The following ABL2 variants were observed in gnomAD, a reference collection of about 807,000 sequenced individuals.
The protein encoded by ABL2 is ABL proto-oncogene 2, non-receptor tyrosine kinase.
A neutral mutation model predicts 107.7 loss-of-function variants in ABL2; 49 were observed. The observed-to-expected ratio is 0.45, with a 90% CI of 0.36 to 0.58. The LOEUF is 0.58. Ranked by LOEUF, ABL2 falls within the 20% of genes least tolerant of loss-of-function variation. The probability of loss-of-function intolerance (pLI) is 0.00; values close to 1 mark genes in which losing one functional copy is unlikely to be tolerated. For missense variants in ABL2, 1,245 were observed against 1,457.0 expected, an observed-to-expected ratio of 0.85 and a Z score of 2.37; for synonymous variants, 549 against 548.6, an observed-to-expected ratio of 1.00 and a Z score of -0.01.
chr1:179,177,224 A>C (rs968244382), intron 1 of ABL2, among the ~76,000 whole-genome samples: 2 of 152,122 alleles, frequency 1.3e-5, no homozygotes, highest in African/African-American at 4.8e-5. Flanking sequence ...AAACAAAAAA[A>C]CAAGCCAACA....
chr1:179,174,470 C>T (rs1659910202), intron 1 of ABL2, among the ~76,000 whole-genome samples: 3 of 151,618 alleles, frequency 2.0e-5, no homozygotes, highest in Admixed American at 1.3e-4. Flanking sequence ...ATTAGCCGGG[C>T]GTGGTGGCAC....
intron 1 of ABL2, among the ~76,000 whole-genome samples, chr1:179,209,260 G>A (rs1662143205): frequency 6.6e-6 from 1 of 152,130 alleles, no homozygotes; most frequent in African/African-American, 2.4e-5. Flanking sequence ...AAGACACAGG[G>A]ACATTGAGAA....
Position 179,107,785 on chromosome 1 carries a change from C to G in ABL2, c.3482G>C (p.Gly1161Ala). ...TAAGTTATTAAGGACAGGGTTTGTC[C>G]CGGGCACACCAGCAGCTGCTGAAGA... ...QVSSAAAGVP[G>A]TNPVLNNLLS... The change falls in exon 12 of 12, where the codon GGG becomes GCG. Residue 1161 changes from glycine (G) to alanine (A), a missense_variant. Gly to Ala is a moderately conservative substitution (Grantham distance 60). Around this residue, in one of 3 missense-constraint regions of ABL2, gnomAD observed 761 missense variants for 766.4 expected, o/e 0.99. Transcript: ENST00000502732. 6.2e-7 allele frequency: 1 copy of G among 1,614,204 alleles called. No homozygotes were observed. Among genetic ancestry groups the G allele is most frequent in the Non-Finnish European group, 8.5e-7 (1 of 1,180,034 alleles).
At chr1:179,168,884 G>A (rs1571238189) in intron 1 of ABL2, among the ~76,000 whole-genome samples, 1 of 152,308 alleles carries the variant, frequency 6.6e-6, no homozygotes, top group East Asian at 1.9e-4. Flanking sequence ...TGAAATTCTA[G>A]TTCATTTACT....
At chr1:179,142,793 C>T in intron 1 of ABL2, 1 of 929,700 alleles carries the variant, frequency 1.1e-6, no homozygotes, top group Non-Finnish European at 1.6e-6. Context: ...AGATATTCCC[C>T]CAAGAAAGCA....
At chr1:179,181,609 ACT>A (rs1660376062) in intron 1 of ABL2, among the ~76,000 whole-genome samples, 1 of 152,060 alleles carries the variant, frequency 6.6e-6, no homozygotes, top group South Asian at 2.1e-4. Context: ...AACTCAGCAC[ACT>A]CTAATGCACC....
chr1:179,118,480 C>T, intron 7 of ABL2, 107 bp downstream of exon 7: 1 of 1,159,474 alleles, frequency 8.6e-7, no homozygotes, highest in Non-Finnish European at 1.2e-6. Context: ...TACAAAATTA[C>T]TTTCTTGAAT....
Position 179,107,790 on chromosome 1 carries a change from C to T in ABL2, c.3477G>A (p.Val1159=), listed in dbSNP as rs771567981. 7 of 1,614,074 alleles carry T rather than the reference C, an allele frequency of 4.3e-6. No individual in the cohort carries two copies. The African/African-American group carries it at 8.0e-5, about 18-fold the overall frequency. ...ELQVSSAAAG[V]PGTNPVLNNL... ...TATTAAGGACAGGGTTTGTCCCGGG[C>T]ACACCAGCAGCTGCTGAAGAAACCT... The change falls in exon 12 of 12, where the codon GTG becomes GTA. Residue 1159 remains valine (V), a synonymous_variant. Transcript: ENST00000502732.
intron 1 of ABL2, among the ~76,000 whole-genome samples, chr1:179,188,221 A>G (rs1660784279): frequency 6.6e-6 from 1 of 152,180 alleles, no homozygotes; most frequent in South Asian, 2.1e-4. Flanking sequence ...TTACCCCATC[A>G]GAGGCTTTCC....
At chr1:179,227,412 G>A (rs909868536) in intron 1 of ABL2, among the ~76,000 whole-genome samples, 1 of 152,142 alleles carries the variant, frequency 6.6e-6, no homozygotes, top group African/African-American at 2.4e-5. Context: ...CTATTCCCAT[G>A]TTCCCGTTCA....
rs1180335193 is a variant in ABL2, at chr1:179,107,667, T to C, written c.*51A>G. 1 of 1,534,256 alleles carries C rather than the reference T, an allele frequency of 6.5e-7. No homozygotes were observed. The highest frequency in any genetic ancestry group is 8.8e-7 in the Non-Finnish European group (1 of 1,142,086). ...ACAAGAACACAGGAAAACAAGTCCT[T>C]TTCCCTCTCCCCTCAGAAATGTGTG... On this transcript the variant is annotated 3_prime_UTR_variant, in exon 12 of 12. Coordinates refer to ENST00000502732, the MANE Select transcript of ABL2 (RefSeq NM_007314.4).
chr1:179,154,983 C>A (rs1658594759), intron 1 of ABL2, among the ~76,000 whole-genome samples: 1 of 152,078 alleles, frequency 6.6e-6, no homozygotes, highest in Non-Finnish European at 1.5e-5. Context: ...TACCTACAGC[C>A]CTGAAAGACA....
chr1:179,139,924 T>C (rs1657419276), intron 1 of ABL2, among the ~76,000 whole-genome samples: 1 of 152,182 alleles, frequency 6.6e-6, no homozygotes, highest in South Asian at 2.1e-4. Context: ...ACCCAGTCTG[T>C]GAAAAAATTG....
intron 1 of ABL2, among the ~76,000 whole-genome samples, chr1:179,220,070 T>A (rs1215003519): frequency 6.6e-6 from 1 of 152,242 alleles, no homozygotes; most frequent in Non-Finnish European, 1.5e-5. Flanking sequence ...TATCCAATTA[T>A]AACTGATTTT....
chr1:179,217,961 A>G (rs988031744), intron 1 of ABL2, among the ~76,000 whole-genome samples: 3 of 152,206 alleles, frequency 2.0e-5, no homozygotes, highest in African/African-American at 7.2e-5. Flanking sequence ...TAGAATCACA[A>G]ACAGACATCC....
At chr1:179,135,666 G>A (rs1272538051) in intron 1 of ABL2, among the ~76,000 whole-genome samples, 3 of 140,970 alleles carry the variant, frequency 2.1e-5, no homozygotes, top group South Asian at 2.3e-4. Flanking sequence ...TCAGCCCCCC[G>A]CCTGGCCAGC....
At chr1:179,218,011 G>A (rs184628663) in intron 1 of ABL2, among the ~76,000 whole-genome samples, 25 of 152,232 alleles carry the variant, frequency 1.6e-4, no homozygotes, top group East Asian at 1.5e-3. Flanking sequence ...TTTGAGCAAC[G>A]AGGGTTTTAT....
At chr1:179,124,604 G>A (rs1387823877) in intron 4 of ABL2, among the ~76,000 whole-genome samples, 1 of 149,758 alleles carries the variant, frequency 6.7e-6, no homozygotes, top group East Asian at 2.0e-4. Context: ...GAGTAACTGG[G>A]ATTACAGTCG....
chr1:179,184,482 T>A, intron 1 of ABL2: 1 of 841,472 alleles, frequency 1.2e-6, no homozygotes, highest in Non-Finnish European at 1.9e-6. Context: ...TGCTCATATG[T>A]TAGGAAAGTT....
Sources: allele counts gnomAD v4.1 joint callset (sites outside exome capture counted in the v4.1 genomes callset), GRCh38; gene constraint gnomAD v4.1.1; regional missense constraint gnomAD v4.1.1; transcripts MANE v1.5; gene names NCBI Gene and HGNC (gene_info 2026-07-23, HGNC 2026-07-21).